The following DNAJB12 variants were observed in gnomAD, a reference collection of about 807,000 sequenced individuals.
DNAJB12 encodes DnaJ heat shock protein family (Hsp40) member B12, also known as dnaJ homolog subfamily B member 12.
A neutral mutation model predicts 40.6 loss-of-function variants in DNAJB12; 14 were observed. The ratio of observed to expected loss-of-function variants is 0.34; its 90% CI spans 0.23 to 0.54. DNAJB12 has a LOEUF of 0.54. DNAJB12 is among the 20% of genes least tolerant of loss of function. The pLI, the probability that DNAJB12 is intolerant of heterozygous loss-of-function variation, is 0.92. For synonymous variants in DNAJB12, 181 were observed against 199.5 expected, an observed-to-expected ratio of 0.91 and a Z score of 0.78; for missense variants, 444 against 501.7, an observed-to-expected ratio of 0.89 and a Z score of 1.10.
chr10:72,349,354 C>A (rs1235038496), intron 1 of DNAJB12, among the ~76,000 whole-genome samples: 1 of 151,542 alleles, frequency 6.6e-6, no homozygotes, highest in East Asian at 1.9e-4. Flanking sequence ...GGCTGGGTAG[C>A]GGGGGAGCTC....
intron 7 of DNAJB12, 87 bp downstream of exon 7, chr10:72,336,437 G>A: frequency 7.0e-7 from 1 of 1,434,940 alleles, no homozygotes; most frequent in Non-Finnish European, 9.6e-7. Flanking sequence ...AGAGCACAGG[G>A]TGAGCAGGGC....
chr10:72,339,400 G>A (rs948129743), intron 5 of DNAJB12, among the ~76,000 whole-genome samples: 1 of 152,064 alleles, frequency 6.6e-6, no homozygotes, highest in African/African-American at 2.4e-5. Flanking sequence ...TGGGTGTGGT[G>A]GCGGGCGCCT....
In DNAJB12 at chr10:72,343,565, G is replaced by A. The variant is rs1163474618; in HGVS notation, c.312-54C>T. On this transcript the variant is annotated intron_variant, in intron 2 of 8. Transcript: ENST00000444643. Reference sequence around the variant, plus strand: ...GTGCTCTACATGGGTCTGTGTGAGGGGGGCGATGAACAGGCCGTGTGGGGC... The same window carrying A: ...GTGCTCTACATGGGTCTGTGTGAGGAGGGCGATGAACAGGCCGTGTGGGGC... 1.4e-5 allele frequency: 23 copies of A among 1,598,276 alleles called. No homozygotes were observed. The East Asian group carries it at 4.7e-4, about 33-fold the overall frequency.
chr10:72,352,029 T>C (rs1589134684), intron 1 of DNAJB12, among the ~76,000 whole-genome samples: 1 of 152,192 alleles, frequency 6.6e-6, no homozygotes, highest in East Asian at 1.9e-4. Flanking sequence ...GCCTTATCCA[T>C]GACTGCCTTG....
Position 72,334,405 on chromosome 10 carries a change from C to T in DNAJB12, c.*243G>A, listed in dbSNP as rs1861408106. 9.7e-6 allele frequency: 7 copies of T among 721,240 alleles called. No homozygotes were observed. The highest frequency in any genetic ancestry group is 1.6e-5 in the Non-Finnish European group (7 of 432,434). 44.7% of individuals were successfully genotyped at this position (721,240 alleles called of 1,614,324 possible). On this transcript the variant is annotated 3_prime_UTR_variant, in exon 9 of 9. Coordinates refer to ENST00000444643, the MANE Select transcript of DNAJB12 (RefSeq NM_017626.7). ...GGAGAGAGGCGATGCGGAGCCTCCG[C>T]CAGCCCTGCGAGGGAGGGAAGCAGC...
Position 72,354,795 on chromosome 10 carries a change from G to C in DNAJB12, c.103C>G (p.Gln35Glu), listed in dbSNP as rs2132013816. The change falls in exon 1 of 9, where the codon CAG becomes GAG. Residue 35 changes from glutamine (Q) to glutamate (E), a missense_variant. Physicochemically the swap from Gln to Glu is conservative, Grantham distance 29 (BLOSUM62 2). Transcript: ENST00000444643. ...DRALRFLEKA[Q>E]RLYPTPRVRA... ...ACTCGCGGCGTCGGATACAGCCGCT[G>C]TGCCTTCTCCAGGAAGCGGAGCGCC... The C allele has an allele frequency of 1.2e-6, 2 of 1,613,722 alleles. No homozygotes were observed. The highest frequency in any genetic ancestry group is 1.3e-5 in the African/African-American group (1 of 75,052).
chr10:72,345,190 G>A (rs766803047), intron 1 of DNAJB12, 63 bp from the exon 2 acceptor site: 106 of 1,540,708 alleles, frequency 6.9e-5, no homozygotes, highest in Non-Finnish European at 8.4e-5. Context: ...CTCGCCGAGC[G>A]GCCCGCTGCT....
In DNAJB12 at chr10:72,354,907, AG is replaced by A; in HGVS notation, c.-11del. The A allele has an allele frequency of 6.2e-7, 1 of 1,613,888 alleles. No individual in the cohort carries two copies. The highest frequency in any genetic ancestry group is 8.5e-7 in the Non-Finnish European group (1 of 1,179,872). ...CCTTGTTGGATTCCATGGCGGAACC[AG>A]AACGCGGAACCAGGGAGGGGGAGGC... is the stretch of plus-strand genomic sequence containing the variant. On this transcript the variant is annotated 5_prime_UTR_variant, in exon 1 of 9. Transcript: ENST00000444643.
At position 72,340,991 on chromosome 10, in the gene DNAJB12, G is replaced by T. The variant is rs1188783684; in HGVS notation, c.637C>A (p.Pro213Thr). Residue 213 changes from proline (P) to threonine (T), a missense_variant, in exon 4 of 9, where the codon CCT (proline) becomes ACT (threonine). Coordinates refer to ENST00000444643, the MANE Select transcript of DNAJB12 (RefSeq NM_017626.7). ...LFNMFFGGGF[P>T]SSNVHVYSNG... ...GGGAGGGTGGGGAACTTACTAGAAG[G>T]GAAGCCGCCGCCAAAGAACATGTTG... The T allele has an allele frequency of 1.2e-6, 2 of 1,613,148 alleles. No homozygotes were observed. Among genetic ancestry groups the T allele is most frequent in the East Asian group, 4.5e-5 (2 of 44,864 alleles).
chr10:72,335,697 C>T lies in DNAJB12; in HGVS notation c.*30+83G>A. 6.6e-7 allele frequency: 1 copy of T among 1,519,218 alleles called. No individual in the cohort carries two copies. Among genetic ancestry groups the T allele is most frequent in the South Asian group, 1.3e-5 (1 of 77,862 alleles). The allele number at this position is 1,519,218 out of a possible 1,614,324, so 94.1% of individuals were successfully genotyped here. On this transcript the variant is annotated intron_variant, in intron 8 of 8. Transcript: ENST00000444643. The surrounding 1 kb of genome is among the most constrained non-coding windows in gnomAD (Gnocchi z 4.4). Reference sequence around the variant, plus strand: ...CTTTGCCACAATCACCAGGCTTCCTCCCTTTCTCCCCCTCCCTCCTCTGCT... The same window carrying T: ...CTTTGCCACAATCACCAGGCTTCCTTCCTTTCTCCCCCTCCCTCCTCTGCT...
At chr10:72,347,615 G>A (rs1405947800) in intron 1 of DNAJB12, among the ~76,000 whole-genome samples, 1 of 152,238 alleles carries the variant, frequency 6.6e-6, no homozygotes, top group Non-Finnish European at 1.5e-5. Flanking sequence ...CAGCATCATG[G>A]CTATTGAAAA....
At chr10:72,354,041 G>A (rs1230820135) in intron 1 of DNAJB12, 1 of 152,300 alleles carries the variant, frequency 6.6e-6, no homozygotes, top group African/African-American at 2.4e-5. Context: ...CTCCTGTCCA[G>A]GGCAACTCAG....
rs10695425 is a variant in DNAJB12, at chr10:72,339,238, C to CAAA, written c.724-930_724-928dup. On this transcript the variant is annotated intron_variant, in intron 5 of 8. Coordinates refer to ENST00000444643, the MANE Select transcript of DNAJB12 (RefSeq NM_017626.7). ...AGGGTGACAGAACGAGACCCTGTCT[C>CAAA]AAAAAAAAAAAAAAAAGGCCGGCAT... Among the ~76,000 whole-genome samples, 396 of 111,314 alleles carry CAAA rather than the reference C, an allele frequency of 3.6e-3. 3 individuals are homozygous for CAAA. Among genetic ancestry groups the CAAA allele is most frequent in the African/African-American group, 0.013 (359 of 27,906 alleles). 73.0% of individuals were successfully genotyped at this position (111,314 alleles called of 152,430 possible). A position where few individuals can be genotyped will look rare whatever the true frequency, so the allele number is the denominator to read the frequency against.
At position 72,336,040 on chromosome 10, in the gene DNAJB12, T is replaced by C. The variant is rs551109938; in HGVS notation, c.1007-109A>G. ...AGGAAAGCTGGTACATGCCCGGGGC[T>C]TGGGCAGGGCTGGCCTCCCATTAGG... On this transcript the variant is annotated intron_variant, in intron 7 of 8. Coordinates refer to ENST00000444643, the MANE Select transcript of DNAJB12 (RefSeq NM_017626.7). 9.8e-6 allele frequency: 14 copies of C among 1,425,898 alleles called. No individual in the cohort carries two copies. The East Asian group carries it at 3.2e-4, about 33-fold the overall frequency. 88.3% of individuals were successfully genotyped at this position (1,425,898 alleles called of 1,614,324 possible).
rs1304817259 is a variant in DNAJB12 at position 72,354,822 on chromosome 10, G to A, written c.76C>T (p.Arg26Trp). ...LKAIQSNQPD[R>W]ALRFLEKAQR... ...GCCTTCTCCAGGAAGCGGAGCGCCC[G>A]GTCGGGCTGGTTGCTCTGGATGGCC... Residue 26 changes from arginine (R) to tryptophan (W), a missense_variant, in exon 1 of 9, where the codon CGG (arginine) becomes TGG (tryptophan). Physicochemically the swap from Arg to Trp is moderately radical, Grantham distance 101. Transcript: ENST00000444643. 2 of 1,614,002 alleles carry A rather than the reference G, an allele frequency of 1.2e-6. No individual in the cohort carries two copies. The highest frequency in any genetic ancestry group is 2.2e-5 in the East Asian group (1 of 44,876).
rs767565063 is a variant in DNAJB12, at chr10:72,338,208, G to C, written c.827C>G (p.Pro276Arg). The change falls in exon 6 of 9, where the codon CCA becomes CGA. Residue 276 changes from proline to arginine, a missense_variant. Pro to Arg is a moderately radical substitution (Grantham distance 103, BLOSUM62 -2). Coordinates refer to ENST00000444643, the MANE Select transcript of DNAJB12 (RefSeq NM_017626.7). The part of the protein sequence containing the change: ...MVSSPPYSLS[P>R]RPSVGHIHRR... ...GCCTCACCCATGTACTCACGGTCTT[G>C]GACTCAGACTGTAGGGTGGACTGGA... is the stretch of plus-strand genomic sequence containing the variant. 1 of 1,613,872 alleles carries C rather than the reference G, an allele frequency of 6.2e-7. No individual in the cohort carries two copies. Among genetic ancestry groups the C allele is most frequent in the African/African-American group, 1.3e-5 (1 of 75,010 alleles).
chr10:72,352,177 C>G (rs1371501417), intron 1 of DNAJB12, among the ~76,000 whole-genome samples: 1 of 152,216 alleles, frequency 6.6e-6, no homozygotes, highest in East Asian at 1.9e-4. Flanking sequence ...TTCCTGCTAT[C>G]AAAAACCTCA....
rs1185150061 is a variant in DNAJB12, at chr10:72,344,952, T to G, written c.309A>C (p.Lys103Asn). ...CCAGCCCCTGCCCACCCATCTACCT[T>G]TTCACAGCTGCAACCTGTTCTGCAG... ...GYTAEQVAAV[K>N]RVKQCKDYYE... Residue 103 changes from lysine to asparagine, a missense_variant and splice_region_variant, in exon 2 of 9, where the codon AAA (lysine) becomes AAC (asparagine). Lys to Asn is a moderately conservative substitution (Grantham distance 94). Coordinates refer to ENST00000444643, the MANE Select transcript of DNAJB12 (RefSeq NM_017626.7). The G allele has an allele frequency of 1.2e-6, 2 of 1,614,186 alleles. No homozygotes were observed. The highest frequency in any genetic ancestry group is 1.7e-6 in the Non-Finnish European group (2 of 1,180,014).
intron 1 of DNAJB12, chr10:72,353,796 G>A (rs1861992890): frequency 6.6e-6 from 1 of 152,212 alleles, no homozygotes; most frequent in Non-Finnish European, 1.5e-5. Context: ...CCCAAGCTCA[G>A]GAAGGTCACG....
Sources: gnomAD v4.1 joint callset for allele counts (sites outside exome capture counted in the v4.1 genomes callset) on GRCh38, gnomAD v4.1.1 for gene constraint, Gnocchi (gnomAD v3.1) non-coding constraint, MANE v1.5 for transcripts, NCBI Gene and HGNC (gene_info 2026-07-23, HGNC 2026-07-21) for gene names.